Variants in ST3GAL1 observed in about 807,000 individuals in gnomAD.
ST3GAL1 encodes CMP-N-acetylneuraminate-beta-galactosamide-alpha-2,3-sialyltransferase 1.
ST3GAL1 carries 16 observed loss-of-function variants against 34.1 expected under a neutral mutation model. The observed-to-expected ratio is 0.47, with a 90% CI of 0.32 to 0.71. The LOEUF is 0.71. Among genes scored for constraint, ST3GAL1 ranks in the 30% least tolerant of loss-of-function variants. The pLI is 0.04. For synonymous variants in ST3GAL1, 191 were observed against 184.7 expected (o/e 1.03, Z -0.28); for missense variants, 353 against 447.4 (o/e 0.79, Z 1.90).
chr8:133,533,426 C>T (rs1186193830), intron 2 of ST3GAL1, among the ~76,000 whole-genome samples: 2 of 152,208 alleles, frequency 1.3e-5, no homozygotes, highest in South Asian at 4.1e-4. Flanking sequence ...GCTCACCCCG[C>T]TCCCCACCAA....
intron 3 of ST3GAL1, among the ~76,000 whole-genome samples, chr8:133,481,744 C>A (rs147466295): frequency 0.055 from 8,398 of 151,666 alleles, 326 homozygotes; most frequent in African/African-American, 0.1. Flanking sequence ...GATCCACCCA[C>A]CTCGGCCTCC....
At chr8:133,550,925 C>A (rs1818818994) in intron 1 of ST3GAL1, among the ~76,000 whole-genome samples, 1 of 152,158 alleles carries the variant, frequency 6.6e-6, no homozygotes, top group African/African-American at 2.4e-5. Flanking sequence ...AGTATAGCAG[C>A]AAACTAGAAG....
intron 2 of ST3GAL1, among the ~76,000 whole-genome samples, chr8:133,512,620 G>A (rs1314343670): frequency 6.6e-6 from 1 of 152,114 alleles, no homozygotes; most frequent in African/African-American, 2.4e-5. Context: ...CCTGTCCCAG[G>A]TCCTATGGCC....
chr8:133,473,163 C>T (rs1816030875), intron 5 of ST3GAL1, among the ~76,000 whole-genome samples: 3 of 152,080 alleles, frequency 2.0e-5, no homozygotes. Context: ...GATGTTTTTC[C>T]CTTACGCCTT....
intron 2 of ST3GAL1, among the ~76,000 whole-genome samples, chr8:133,530,007 C>G (rs891545397): frequency 1.3e-5 from 2 of 152,144 alleles, no homozygotes; most frequent in South Asian, 4.1e-4. Flanking sequence ...TATTAGAAGT[C>G]TCCTTGACTG....
At chr8:133,503,289 C>A (rs994654662) in intron 2 of ST3GAL1, among the ~76,000 whole-genome samples, 40 of 152,310 alleles carry the variant, frequency 2.6e-4, no homozygotes, top group African/African-American at 9.6e-4. Flanking sequence ...GTCAGGAGAG[C>A]CGACTTCCAC....
At chr8:133,464,325 C>G (rs909422123) in intron 7 of ST3GAL1, among the ~76,000 whole-genome samples, 3 of 152,204 alleles carry the variant, frequency 2.0e-5, no homozygotes, top group African/African-American at 7.2e-5. Flanking sequence ...CCGCGTTGCT[C>G]AGCACTGCTT....
chr8:133,547,475 G>A (rs1022404379), intron 1 of ST3GAL1, among the ~76,000 whole-genome samples: 1 of 152,094 alleles, frequency 6.6e-6, no homozygotes, highest in Non-Finnish European at 1.5e-5. Flanking sequence ...TGTTGCCATG[G>A]CTGGTCTTGA....
chr8:133,478,825 T>A (rs943253738), intron 3 of ST3GAL1, among the ~76,000 whole-genome samples: 1 of 152,146 alleles, frequency 6.6e-6, no homozygotes, highest in African/African-American at 2.4e-5. Context: ...CTGGGAGCAA[T>A]GTGAGGATGG....
intron 8 of ST3GAL1, 67 bp from the exon 9 acceptor site, chr8:133,462,061 G>A: frequency 6.2e-7 from 1 of 1,606,400 alleles, no homozygotes; most frequent in South Asian, 1.1e-5. Flanking sequence ...GCGCCTGTCA[G>A]ATGTACATAC....
At position 133,545,387 on chromosome 8, in the gene ST3GAL1, G is replaced by T. The variant is rs1818648656; in HGVS notation, c.-429+387C>A. On this transcript the variant is annotated intron_variant, in intron 2 of 9. Transcript: ENST00000522652. ...AGACTGGGCCAGGCTTGTCCTGTAGGCCACAGTTTGCTGATGCTTGCTCTA... is the reference window on the plus strand; with the variant it reads ...AGACTGGGCCAGGCTTGTCCTGTAGTCCACAGTTTGCTGATGCTTGCTCTA... 5.9e-5 allele frequency among the ~76,000 whole-genome samples: 9 copies of T among 152,328 alleles called. No individual in the cohort carries two copies. The South Asian group carries it at 1.9e-3, about 32-fold the overall frequency.
chr8:133,497,975 T>G (rs972110053), intron 3 of ST3GAL1, among the ~76,000 whole-genome samples: 7 of 152,328 alleles, frequency 4.6e-5, no homozygotes, highest in Middle Eastern at 3.4e-3. Context: ...TGCTGTTCCC[T>G]CTACCAAAAC....
In ST3GAL1 at chr8:133,459,689, G is replaced by T; in HGVS notation, c.*75C>A. On this transcript the variant is annotated 3_prime_UTR_variant, in exon 10 of 10. Transcript: ENST00000522652. This position sits in a 1 kb window ranked among gnomAD's most constrained non-coding sequence, Gnocchi z 4.7. ...GGCTGCCCCTCCAAGCTCCGGGATG[G>T]AACGGCTCCAGCAAGATGCTGGGGC... is the stretch of plus-strand genomic sequence containing the variant. 1 of 1,525,780 alleles carries T rather than the reference G, an allele frequency of 6.6e-7. No individual in the cohort carries two copies. 94.5% of individuals were successfully genotyped at this position (1,525,780 alleles called of 1,614,324 possible). A position where few individuals can be genotyped will look rare whatever the true frequency, so the allele number is the denominator to read the frequency against.
Position 133,549,054 on chromosome 8 carries a change from C to CA in ST3GAL1, c.-581-3129dup, listed in dbSNP as rs553231061. Among the ~76,000 whole-genome samples, 662 of 152,324 alleles carry CA rather than the reference C, an allele frequency of 4.3e-3. 2 individuals are homozygous for CA. The highest frequency in any genetic ancestry group is 0.015 in the African/African-American group (622 of 41,578). Reference sequence around the variant, plus strand: ...AGAATCCTTGTAATATAAAAACCTGCATGTATATATGCCTATATCAGGATA... The same window carrying CA: ...AGAATCCTTGTAATATAAAAACCTGCAATGTATATATGCCTATATCAGGATA... On this transcript the variant is annotated intron_variant, in intron 1 of 9. Coordinates refer to ENST00000522652, the MANE Select transcript of ST3GAL1 (RefSeq NM_173344.3).
intron 1 of ST3GAL1, among the ~76,000 whole-genome samples, chr8:133,551,574 GAAAGA>G (rs1563739057): frequency 2.0e-5 from 3 of 148,590 alleles, no homozygotes. Flanking sequence ...AAGAAAGAAA[GAAAGA>G]AAGAAAGAAA....
At chr8:133,565,289 G>C (rs2978061) in intron 1 of ST3GAL1, among the ~76,000 whole-genome samples, 114 of 152,180 alleles carry the variant, frequency 7.5e-4, no homozygotes, top group African/African-American at 2.5e-3. Context: ...GGTGGGCTCA[G>C]CTCTTGGTGC....
chr8:133,490,439 A>G (rs1005837701), intron 3 of ST3GAL1, among the ~76,000 whole-genome samples: 1 of 152,250 alleles, frequency 6.6e-6, no homozygotes, highest in African/African-American at 2.4e-5. Context: ...AGGGCAGTTC[A>G]CACGCATAAA....
intron 9 of ST3GAL1, among the ~76,000 whole-genome samples, chr8:133,460,890 A>C (rs1815472521): frequency 6.9e-6 from 1 of 143,984 alleles, no homozygotes; most frequent in Non-Finnish European, 1.5e-5. Flanking sequence ...GATAGATTGG[A>C]GGGGTGGGGA....
intron 2 of ST3GAL1, among the ~76,000 whole-genome samples, chr8:133,526,380 C>T (rs888445887): frequency 2.0e-5 from 3 of 152,174 alleles, no homozygotes; most frequent in Non-Finnish European, 1.5e-5. Flanking sequence ...TTCATGAAGG[C>T]TCCTAAGTCT....
Sources: gnomAD v4.1 joint callset for allele counts (sites outside exome capture counted in the v4.1 genomes callset) on GRCh38, gnomAD v4.1.1 for gene constraint, Gnocchi (gnomAD v3.1) non-coding constraint, MANE v1.5 for transcripts, NCBI Gene and HGNC (gene_info 2026-07-23, HGNC 2026-07-21) for gene names.